PRKG1: variants seen among roughly 807,000 people sequenced by gnomAD.
PRKG1 encodes the protein protein kinase cGMP-dependent 1.
PRKG1 carries 35 observed loss-of-function variants against 88.1 expected under a neutral mutation model. The ratio of observed to expected loss-of-function variants is 0.40; its 90% CI spans 0.30 to 0.53. PRKG1 has a LOEUF of 0.53. PRKG1 is among the 20% of genes least tolerant of loss of function. The pLI is 0.59. For missense variants in PRKG1, 540 were observed against 839.8 expected, an observed-to-expected ratio of 0.64 and a Z score of 4.41; for synonymous variants, 303 against 292.5, an observed-to-expected ratio of 1.04 and a Z score of -0.37.
chr10:51,229,756 C>G lies in PRKG1; in HGVS notation c.478+76426C>G, dbSNP rs557094773. On this transcript the variant is annotated intron_variant, in intron 2 of 17. Transcript: ENST00000373980. ...CTGACCTGGGAAACGTGGCAAAACT[C>G]TTTCTCTACAAAAAATAAAAATTAG... Among the ~76,000 whole-genome samples, 297 of 151,700 alleles carry G rather than the reference C, an allele frequency of 2.0e-3. 1 individual carries two copies. Among genetic ancestry groups the G allele is most frequent in the African/African-American group, 7.0e-3 (288 of 41,414 alleles).
At chr10:51,746,492 C>T (rs1837582038) in intron 3 of PRKG1, among the ~76,000 whole-genome samples, 2 of 151,838 alleles carry the variant, frequency 1.3e-5, no homozygotes, top group African/African-American at 2.4e-5. Context: ...GAGGCCGAGG[C>T]GGGCAGATTG....
intron 2 of PRKG1, among the ~76,000 whole-genome samples, chr10:51,309,417 T>A (rs1287556210): frequency 2.0e-5 from 3 of 152,006 alleles, no homozygotes; most frequent in Non-Finnish European, 4.4e-5. Context: ...AATAACCCCA[T>A]TAAAAAGTGG....
At chr10:51,587,544 A>G (rs1475401561) in intron 3 of PRKG1, among the ~76,000 whole-genome samples, 3 of 152,214 alleles carry the variant, frequency 2.0e-5, no homozygotes, top group Non-Finnish European at 4.4e-5. Context: ...TTGAATTCCA[A>G]TACATTAATA....
chr10:52,207,874 C>G lies in PRKG1; in HGVS notation c.1077-43696C>G, dbSNP rs1407263888. Among the ~76,000 whole-genome samples, 4 of 152,112 alleles carry G rather than the reference C, an allele frequency of 2.6e-5. No individual in the cohort carries two copies. In the East Asian group the frequency reaches 7.7e-4, roughly 29 times the overall value. The stretch of plus-strand genomic sequence containing the variant: ...CCCTTCTCCACTCTCAATGCCTTCC[C>G]TCTGAAGATCTGCCTGGAGTGTGAC... On this transcript the variant is annotated intron_variant, in intron 9 of 17. Coordinates refer to ENST00000373980, the MANE Select transcript of PRKG1 (RefSeq NM_006258.4).
intron 3 of PRKG1, among the ~76,000 whole-genome samples, chr10:51,765,756 G>A (rs570420136): frequency 2.0e-5 from 3 of 151,430 alleles, no homozygotes; most frequent in Non-Finnish European, 2.9e-5. Context: ...GCATTCAAAG[G>A]CTGCCTGTCC....
chr10:51,143,138 C>A (rs1205390789), intron 1 of PRKG1, among the ~76,000 whole-genome samples: 1 of 152,032 alleles, frequency 6.6e-6, no homozygotes. Context: ...CCTTTTCCCC[C>A]CTAACTATCC....
chr10:52,239,244 C>T (rs1357171259), intron 9 of PRKG1, among the ~76,000 whole-genome samples: 16 of 138,504 alleles, frequency 1.2e-4, no homozygotes, highest in African/African-American at 2.6e-4. Context: ...GTGGGTGCAG[C>T]GCACCGGCAT....
chr10:51,935,951 A>G (rs1036853214), intron 5 of PRKG1, among the ~76,000 whole-genome samples: 3 of 152,062 alleles, frequency 2.0e-5, no homozygotes, highest in African/African-American at 7.2e-5. Flanking sequence ...TTATGTGTTA[A>G]TTGCATAGCC....
At chr10:51,813,678 A>T (rs916123074) in intron 4 of PRKG1, among the ~76,000 whole-genome samples, 1 of 152,158 alleles carries the variant, frequency 6.6e-6, no homozygotes, top group African/African-American at 2.4e-5. Context: ...GCCTCAATAA[A>T]TTCTGGATAC....
At chr10:51,156,995 G>A (rs1451591993) in intron 2 of PRKG1, among the ~76,000 whole-genome samples, 1 of 151,900 alleles carries the variant, frequency 6.6e-6, no homozygotes, top group Non-Finnish European at 1.5e-5. Flanking sequence ...AATTCTTCCT[G>A]TCTCTCTTTA....
intron 7 of PRKG1, among the ~76,000 whole-genome samples, chr10:52,109,358 G>A (rs879615656): frequency 6.6e-6 from 1 of 152,136 alleles, no homozygotes; most frequent in Non-Finnish European, 1.5e-5. Context: ...TTAAATCAAA[G>A]GCGTAAAACC....
rs185791215 is a variant in PRKG1, at chr10:51,508,467, T to C, written c.592+40631T>C. ...AGGAATATGTGCAGCATTCTATTAATTTTAATGGCATAGATATATAAAATT... is the reference window on the plus strand; with the variant it reads ...AGGAATATGTGCAGCATTCTATTAACTTTAATGGCATAGATATATAAAATT... On this transcript the variant is annotated intron_variant, in intron 3 of 17. Coordinates refer to ENST00000373980, the MANE Select transcript of PRKG1 (RefSeq NM_006258.4). Among the ~76,000 whole-genome samples, 308 of 152,296 alleles carry C rather than the reference T, an allele frequency of 2.0e-3. 2 individuals are homozygous for C. Among genetic ancestry groups the C allele is most frequent in the African/African-American group, 7.1e-3 (297 of 41,568 alleles).
At chr10:50,992,769 A>T (rs1023198437) in intron 1 of PRKG1, among the ~76,000 whole-genome samples, 11 of 143,502 alleles carry the variant, frequency 7.7e-5, no homozygotes, top group African/African-American at 2.9e-4. Context: ...GCGCCTCTGG[A>T]CATTAGGGAG....
At chr10:51,304,320 A>C (rs569035770) in intron 2 of PRKG1, among the ~76,000 whole-genome samples, 21 of 152,274 alleles carry the variant, frequency 1.4e-4, no homozygotes, top group African/African-American at 4.8e-4. Flanking sequence ...AATCAATTTG[A>C]AAACATTACA....
intron 1 of PRKG1, among the ~76,000 whole-genome samples, chr10:51,028,411 A>G (rs1192160449): frequency 2.0e-5 from 3 of 152,182 alleles, no homozygotes; most frequent in Non-Finnish European, 4.4e-5. Context: ...TTGTGCCTTC[A>G]TGTAAGTTGG....
intron 3 of PRKG1, among the ~76,000 whole-genome samples, chr10:51,684,122 C>T (rs149874058): frequency 1.7e-3 from 255 of 152,240 alleles, no homozygotes; most frequent in African/African-American, 5.6e-3. Flanking sequence ...CACAAATATC[C>T]ATCAACTGGT....
At chr10:52,225,039 A>C (rs1230340405) in intron 9 of PRKG1, among the ~76,000 whole-genome samples, 8 of 151,832 alleles carry the variant, frequency 5.3e-5, no homozygotes. Context: ...TTCTACTTTT[A>C]GTTCTTTAAG....
At chr10:51,614,615 T>C (rs868391365) in intron 3 of PRKG1, among the ~76,000 whole-genome samples, 1 of 152,040 alleles carries the variant, frequency 6.6e-6, no homozygotes, top group African/African-American at 2.4e-5. Flanking sequence ...GTTTCTTTCT[T>C]TTTCTTTTAT....
intron 3 of PRKG1, among the ~76,000 whole-genome samples, chr10:51,711,722 C>T (rs1035164312): frequency 1.3e-5 from 2 of 152,142 alleles, no homozygotes; most frequent in African/African-American, 4.8e-5. Flanking sequence ...AGGAAGCTGT[C>T]AGTGATTGTG....
Sources: gnomAD v4.1 joint callset for allele counts (sites outside exome capture counted in the v4.1 genomes callset) on GRCh38, gnomAD v4.1.1 for gene constraint, MANE v1.5 for transcripts, NCBI Gene and HGNC (gene_info 2026-07-23, HGNC 2026-07-21) for gene names.